GLP2R: variants seen among roughly 807,000 people sequenced by gnomAD.
The protein encoded by GLP2R is glucagon like peptide 2 receptor.
GLP2R carries 59 observed loss-of-function variants against 68.2 expected under a neutral mutation model. That is an observed-to-expected ratio of 0.87 (90% CI 0.70 to 1.07). The LOEUF (loss-of-function observed/expected upper bound fraction) is 1.07, where lower values mean the gene tolerates loss of function less well. Ranked by LOEUF, GLP2R falls within the 50% of genes least tolerant of loss-of-function variation. GLP2R has a pLI of 0.00. For synonymous variants in GLP2R, 270 were observed against 265.4 expected (o/e 1.02, Z -0.17); for missense variants, 548 against 677.4 (o/e 0.81, Z 2.12).
At chr17:9,835,846 G>A (rs887366772) in intron 2 of GLP2R, among the ~76,000 whole-genome samples, 2 of 151,920 alleles carry the variant, frequency 1.3e-5, no homozygotes, top group Non-Finnish European at 2.9e-5. Context: ...TTCGAGACCA[G>A]CCTGGCCAAC....
rs111746653 is a variant in GLP2R at position 9,853,305 on chromosome 17, C to T, written c.505-1190C>T. 163 of 251,246 alleles carry T rather than the reference C, an allele frequency of 6.5e-4. 2 individuals carry two copies. Among genetic ancestry groups the T allele is most frequent in the African/African-American group, 3.3e-3 (146 of 43,984 alleles). The allele number at this position is 251,246 out of a possible 1,614,324, so 15.6% of individuals were successfully genotyped here. ...CTCATGTCCATCTCCATCGAGTCCT[C>T]CATGGGGTGGTGGCACGTACTTAGG... is the stretch of plus-strand genomic sequence containing the variant. On this transcript the variant is annotated intron_variant, in intron 4 of 12. Coordinates refer to ENST00000262441, the MANE Select transcript of GLP2R (RefSeq NM_004246.3).
intron 5 of GLP2R, among the ~76,000 whole-genome samples, chr17:9,856,529 C>T (rs1342736338): frequency 3.3e-5 from 5 of 152,212 alleles, no homozygotes; most frequent in Non-Finnish European, 7.3e-5. Flanking sequence ...TCACATCACA[C>T]ACAAAGAGTC....
chr17:9,829,722 T>C (rs1041631651), intron 1 of GLP2R, among the ~76,000 whole-genome samples: 1 of 152,246 alleles, frequency 6.6e-6, no homozygotes, highest in Non-Finnish European at 1.5e-5. Flanking sequence ...AGAAAGACAA[T>C]GAATGTGTCT....
rs867593731 is a variant in GLP2R at position 9,871,728 on chromosome 17, T to C, written c.1145+893T>C. Among the ~76,000 whole-genome samples the C allele has an allele frequency of 4.6e-3, 668 of 144,104 alleles. 16 individuals carry two copies. The highest frequency in any genetic ancestry group is 0.036 in the Admixed American group (522 of 14,496). The allele number at this position is 144,104 out of a possible 152,430, so 94.5% of individuals were successfully genotyped here. A position where few individuals can be genotyped will look rare whatever the true frequency, so the allele number is the denominator to read the frequency against. ...TTATTCTTTACTTTCTTTCTTTTTT[T>C]TTTTTTTTTTTTTTTGACAGAGTCT... On this transcript the variant is annotated intron_variant, in intron 10 of 12. Coordinates refer to ENST00000262441, the MANE Select transcript of GLP2R (RefSeq NM_004246.3).
Position 9,870,853 on chromosome 17 carries a change from GGT to G in GLP2R, c.1145+19_1145+20del. On this transcript the variant is annotated intron_variant, in intron 10 of 12. Coordinates refer to ENST00000262441, the MANE Select transcript of GLP2R (RefSeq NM_004246.3). ...AAATACAGGTGAGTGGCTTAAGGTTGGTCCCCAGCAGTCCAAGGTTATTGTAA... is the reference window on the plus strand; with the variant it reads ...AAATACAGGTGAGTGGCTTAAGGTTGCCCCAGCAGTCCAAGGTTATTGTAA... 1 of 1,196,608 alleles carries G rather than the reference GGT, an allele frequency of 8.4e-7. No individual in the cohort carries two copies. The highest frequency in any genetic ancestry group is 1.2e-5 in the South Asian group (1 of 82,158). 74.1% of individuals were successfully genotyped at this position (1,196,608 alleles called of 1,614,324 possible).
chr17:9,829,779 T>C (rs1190877959), intron 1 of GLP2R, among the ~76,000 whole-genome samples: 1 of 152,196 alleles, frequency 6.6e-6, no homozygotes, highest in Non-Finnish European at 1.5e-5. Flanking sequence ...AATTTCTGAG[T>C]AATGAGATGA....
chr17:9,855,717 G>A (rs781011007), intron 5 of GLP2R, among the ~76,000 whole-genome samples: 5 of 152,184 alleles, frequency 3.3e-5, no homozygotes, highest in South Asian at 2.1e-4. Flanking sequence ...CACTTTAGAC[G>A]TGAGTTAACT....
At chr17:9,870,969 A>G in intron 10 of GLP2R, 134 bp downstream of exon 10, 1 of 619,600 alleles carries the variant, frequency 1.6e-6, no homozygotes, top group South Asian at 2.0e-5. Context: ...GGAAGGTGCT[A>G]TAGGATCAAG....
At chr17:9,846,027 C>G (rs1161095095) in intron 4 of GLP2R, among the ~76,000 whole-genome samples, 1 of 151,982 alleles carries the variant, frequency 6.6e-6, no homozygotes, top group African/African-American at 2.4e-5. Flanking sequence ...ATAAGAAAAT[C>G]TTTCTTATTT....
At chr17:9,845,199 C>G (rs1489531533) in intron 4 of GLP2R, among the ~76,000 whole-genome samples, 1 of 152,100 alleles carries the variant, frequency 6.6e-6, no homozygotes, top group East Asian at 1.9e-4. Flanking sequence ...GCTGGGACTA[C>G]AGGTGCACAC....
At chr17:9,828,442 TG>T (rs2066652110) in intron 1 of GLP2R, among the ~76,000 whole-genome samples, 1 of 152,214 alleles carries the variant, frequency 6.6e-6, no homozygotes, top group Non-Finnish European at 1.5e-5. Context: ...CAGCTTATCA[TG>T]TAGTTTTGTT....
chr17:9,850,186 T>A (rs1265530639), intron 4 of GLP2R, among the ~76,000 whole-genome samples: 2 of 152,196 alleles, frequency 1.3e-5, no homozygotes, highest in Non-Finnish European at 2.9e-5. Context: ...GACATAAGAT[T>A]CACCTGTTGG....
intron 3 of GLP2R, among the ~76,000 whole-genome samples, chr17:9,838,682 T>G (rs897801097): frequency 1.3e-5 from 2 of 152,216 alleles, no homozygotes; most frequent in African/African-American, 4.8e-5. Flanking sequence ...GAGTGTGATT[T>G]GCAAGAGGTG....
At chr17:9,838,783 G>A (rs73974308) in intron 3 of GLP2R, among the ~76,000 whole-genome samples, 4,051 of 152,330 alleles carry the variant, frequency 0.027, 153 homozygotes, top group African/African-American at 0.09. Context: ...GACCGTGGAA[G>A]GGCGCAGAGG....
intron 4 of GLP2R, among the ~76,000 whole-genome samples, chr17:9,850,434 C>T (rs1290379365): frequency 6.6e-6 from 1 of 152,210 alleles, no homozygotes; most frequent in Non-Finnish European, 1.5e-5. Context: ...TCTCTGGTTC[C>T]TGAAGCCCAC....
In GLP2R at chr17:9,873,656, G is replaced by T. The variant is rs185548383; in HGVS notation, c.1145+2821G>T. ...ACTCTTCTTCTTCCAACGGGGCTCA[G>T]GGAAGCCAAAAGGTTGGATACCCCT... On this transcript the variant is annotated intron_variant, in intron 10 of 12. Coordinates refer to ENST00000262441, the MANE Select transcript of GLP2R (RefSeq NM_004246.3). Among the ~76,000 whole-genome samples, 33 of 148,294 alleles carry T rather than the reference G, an allele frequency of 2.2e-4. No individual in the cohort carries two copies. The East Asian group carries it at 6.4e-3, about 29-fold the overall frequency.
At chr17:9,886,362 G>A (rs936254859) in intron 11 of GLP2R, among the ~76,000 whole-genome samples, 36 of 152,148 alleles carry the variant, frequency 2.4e-4, no homozygotes, top group African/African-American at 8.7e-4. Context: ...TCTAGAATGA[G>A]AACCAGACCC....
intron 10 of GLP2R, among the ~76,000 whole-genome samples, chr17:9,880,009 C>T (rs897487967): frequency 3.9e-5 from 6 of 152,136 alleles, no homozygotes; most frequent in African/African-American, 1.4e-4. Flanking sequence ...AACTGCTAAC[C>T]ACATGATAGG....
At chr17:9,842,031 A>T (rs915885306) in intron 3 of GLP2R, among the ~76,000 whole-genome samples, 1 of 152,200 alleles carries the variant, frequency 6.6e-6, no homozygotes, top group Non-Finnish European at 1.5e-5. Context: ...AAAACAGAGG[A>T]AGGCTTAGAG....
Sources: allele counts gnomAD v4.1 joint callset (sites outside exome capture counted in the v4.1 genomes callset), GRCh38; gene constraint gnomAD v4.1.1; transcripts MANE v1.5; gene names NCBI Gene and HGNC (gene_info 2026-07-23, HGNC 2026-07-21).